The following CARS1 variants were observed in gnomAD, a reference collection of about 807,000 sequenced individuals.
The protein encoded by CARS1 is cysteinyl-tRNA synthetase 1.
Under a neutral mutation model 106.2 loss-of-function variants are expected in CARS1, and 48 were observed. That is an observed-to-expected ratio of 0.45 (90% CI 0.36 to 0.57). The LOEUF (loss-of-function observed/expected upper bound fraction) is 0.57, where lower values mean the gene tolerates loss of function less well. Ranked by LOEUF, CARS1 falls within the 20% of genes least tolerant of loss-of-function variation. The pLI is 0.00. For missense variants in CARS1, 968 were observed against 1,057.2 expected (o/e 0.92, Z 1.17); for synonymous variants, 409 against 403.4 (o/e 1.01, Z -0.17).
rs1010948908 is a variant in CARS1 at position 3,020,069 on chromosome 11, G to A, written c.1266+151C>T. On this transcript the variant is annotated intron_variant, in intron 11 of 22. Transcript: ENST00000380525. The surrounding 1 kb of genome is among the most constrained non-coding windows in gnomAD (Gnocchi z 4.6). ...GAGTCTCCATGATGTCCAGGTCCCC[G>A]GGGCCAGGCAGCCTGTGCTGCACCA... 30 of 628,866 alleles carry A rather than the reference G, an allele frequency of 4.8e-5. No homozygotes were observed. The highest frequency in any genetic ancestry group is 1.1e-4 in the Admixed American group (4 of 37,102). 39.0% of individuals were successfully genotyped at this position (628,866 alleles called of 1,614,324 possible). A position where few individuals can be genotyped will look rare whatever the true frequency, so the allele number is the denominator to read the frequency against.
rs1851556006 is a variant in CARS1, at chr11:3,021,359, G to A, written c.1154-1027C>T. Among the ~76,000 whole-genome samples the A allele has an allele frequency of 6.6e-6, 1 of 152,188 alleles. No homozygotes were observed. The highest frequency in any genetic ancestry group is 2.4e-5 in the African/African-American group (1 of 41,436). Reference sequence around the variant, plus strand: ...CTGCTGCAGCCTTTCCTGGTCCCTGGTCTAAGGGCTGCCTTAGGTGCTGTC... The same window carrying A: ...CTGCTGCAGCCTTTCCTGGTCCCTGATCTAAGGGCTGCCTTAGGTGCTGTC... On this transcript the variant is annotated intron_variant, in intron 10 of 22. Coordinates refer to ENST00000380525, the MANE Select transcript of CARS1 (RefSeq NM_001014437.3). The surrounding 1 kb of genome is among the most constrained non-coding windows in gnomAD (Gnocchi z 5.3).
Position 3,048,747 on chromosome 11 carries a change from C to G in CARS1, c.26-746G>C, listed in dbSNP as rs1206270901. Among the ~76,000 whole-genome samples the G allele has an allele frequency of 3.9e-5, 6 of 152,208 alleles. No homozygotes were observed. The highest frequency in any genetic ancestry group is 3.9e-4 in the Admixed American group (6 of 15,286). Reference sequence around the variant, plus strand: ...GGTCAAGGCCACAGCCTCAGGAGGACTGGGCCCCCTCAAAGGACCAGCCCA... The same window carrying G: ...GGTCAAGGCCACAGCCTCAGGAGGAGTGGGCCCCCTCAAAGGACCAGCCCA... On this transcript the variant is annotated intron_variant, in intron 1 of 22. Transcript: ENST00000380525. This position sits in a 1 kb window ranked among gnomAD's most constrained non-coding sequence, Gnocchi z 5.1.
rs150425752 is a variant in CARS1 at position 3,033,991 on chromosome 11, C to T, written c.801+4059G>A. 6.1e-3 allele frequency among the ~76,000 whole-genome samples: 929 copies of T among 152,104 alleles called. 6 individuals carry two copies. Among genetic ancestry groups the T allele is most frequent in the African/African-American group, 0.021 (884 of 41,464 alleles). On this transcript the variant is annotated intron_variant, in intron 7 of 22. Coordinates refer to ENST00000380525, the MANE Select transcript of CARS1 (RefSeq NM_001014437.3). ...GAGATAGAGTCTCACTATGTTGTCCCGGCTGATCTCAAACTCCTGGGCTCA... is the reference window on the plus strand; with the variant it reads ...GAGATAGAGTCTCACTATGTTGTCCTGGCTGATCTCAAACTCCTGGGCTCA...
At position 3,044,126 on chromosome 11, in the gene CARS1, A is replaced by G. The variant is rs964173265; in HGVS notation, c.275-1870T>C. Reference sequence around the variant, plus strand: ...TCACAAAGACCCTGGAGCTCCTTCAATAGGACACTGCTGCCATCTCAGACA... The same window carrying G: ...TCACAAAGACCCTGGAGCTCCTTCAGTAGGACACTGCTGCCATCTCAGACA... On this transcript the variant is annotated intron_variant, in intron 2 of 22. Coordinates refer to ENST00000380525, the MANE Select transcript of CARS1 (RefSeq NM_001014437.3). The surrounding 1 kb of genome is among the most constrained non-coding windows in gnomAD (Gnocchi z 4.4). Among the ~76,000 whole-genome samples the G allele has an allele frequency of 1.3e-5, 2 of 152,142 alleles. No individual in the cohort carries two copies. Among genetic ancestry groups the G allele is most frequent in the African/African-American group, 2.4e-5 (1 of 41,434 alleles).
intron 10 of CARS1, 44 bp downstream of exon 10, chr11:3,026,632 G>C (rs1456434059): frequency 3.1e-6 from 5 of 1,606,230 alleles, no homozygotes; most frequent in South Asian, 1.1e-5. Context: ...CCCAGGCTGG[G>C]CCAGGAGGGA....
chr11:3,018,318 G>C (rs1418266015), intron 14 of CARS1, 90 bp downstream of exon 14: 3 of 816,946 alleles, frequency 3.7e-6, no homozygotes. Flanking sequence ...GAGACATCGG[G>C]AGGCTGGTGC....
rs12796489 is a variant in CARS1, at chr11:3,038,130, C to A, written c.721G>T (p.Ala241Ser). The A allele has an allele frequency of 9.8e-3, 15,797 of 1,613,960 alleles. 145 individuals carry two copies. Among genetic ancestry groups the A allele is most frequent in the Middle Eastern group, 0.039 (239 of 6,060 alleles). ...KKQMLERIQH[A>S]VQLATEPLEK... Reference sequence around the variant, plus strand: ...AGTGGCTCTGTGGCAAGCTGCACTGCGTGCTGAATCCGTTCGAGCATCTGC... The same window carrying A: ...AGTGGCTCTGTGGCAAGCTGCACTGAGTGCTGAATCCGTTCGAGCATCTGC... The change falls in exon 7 of 23, where the codon GCA becomes TCA. Residue 241 changes from alanine to serine, a missense_variant. Coordinates refer to ENST00000380525, the MANE Select transcript of CARS1 (RefSeq NM_001014437.3). The surrounding 1 kb of genome is among the most constrained non-coding windows in gnomAD (Gnocchi z 4.0).
rs200170102 is a variant in CARS1 at position 3,012,271 on chromosome 11, C to T, written c.1992G>A (p.Glu664=). 2.5e-5 allele frequency: 41 copies of T among 1,614,074 alleles called. No individual in the cohort carries two copies. In the Admixed American group the frequency reaches 4.8e-4, roughly 19 times the overall value. Residue 664 remains glutamate, a synonymous_variant, in exon 18 of 23, where the codon GAG becomes GAA. Transcript: ENST00000380525. Reference sequence around the variant, plus strand: ...CCTGAAGGTAGGGCATGACTGTGGCCTCGAGCTGCGGAAAGAACAGTTTTG... The same window carrying T: ...CCTGAAGGTAGGGCATGACTGTGGCTTCGAGCTGCGGAAAGAACAGTTTTG... ...VGGPGTSLSL[E]ATVMPYLQVL...
Position 3,030,980 on chromosome 11 carries a change from T to C in CARS1, c.802-1537A>G, listed in dbSNP as rs571973809. 3 of 152,276 alleles carry C rather than the reference T, an allele frequency of 2.0e-5. No homozygotes were observed. The highest frequency in any genetic ancestry group is 2.9e-5 in the Non-Finnish European group (2 of 68,034). The allele number at this position is 152,276 out of a possible 1,614,324, so 9.4% of individuals were successfully genotyped here. ...AACAGAGACAAGAAGGAAAATTTTA[T>C]GAAAGACAGGTTAGGAGACACGGAG... On this transcript the variant is annotated intron_variant, in intron 7 of 22. Coordinates refer to ENST00000380525, the MANE Select transcript of CARS1 (RefSeq NM_001014437.3). This position sits in a 1 kb window ranked among gnomAD's most constrained non-coding sequence, Gnocchi z 5.7.
Position 3,045,302 on chromosome 11 carries a change from T to C in CARS1, c.274+2451A>G, listed in dbSNP as rs932268908. Among the ~76,000 whole-genome samples the C allele has an allele frequency of 6.6e-6, 1 of 152,066 alleles. No individual in the cohort carries two copies. Among genetic ancestry groups the C allele is most frequent in the African/African-American group, 2.4e-5 (1 of 41,400 alleles). ...CACCCCGAGACGGAGTCTCGCTCTGTCACCTAGGCTGGAGTACAGTGGCAC... is the reference window on the plus strand; with the variant it reads ...CACCCCGAGACGGAGTCTCGCTCTGCCACCTAGGCTGGAGTACAGTGGCAC... On this transcript the variant is annotated intron_variant, in intron 2 of 22. Coordinates refer to ENST00000380525, the MANE Select transcript of CARS1 (RefSeq NM_001014437.3). This position sits in a 1 kb window ranked among gnomAD's most constrained non-coding sequence, Gnocchi z 5.6.
In CARS1 at chr11:3,012,135, G is replaced by T. The variant is rs371599020; in HGVS notation, c.2068+60C>A. On this transcript the variant is annotated intron_variant, in intron 18 of 22. Transcript: ENST00000380525. ...CCATAGTGCCTCGGGGGAGACGCCC[G>T]GTCCGGGGAGCCCAGTGAGGGGAGT... 80 of 1,466,954 alleles carry T rather than the reference G, an allele frequency of 5.5e-5. No homozygotes were observed. The South Asian group carries it at 7.8e-4, about 14-fold the overall frequency. 90.9% of individuals were successfully genotyped at this position (1,466,954 alleles called of 1,614,324 possible). A position where few individuals can be genotyped will look rare whatever the true frequency, so the allele number is the denominator to read the frequency against.
rs938587406 is a variant in CARS1 at position 3,003,586 on chromosome 11, A to G, written c.2218-986T>C. ...CAGAGCTAGGGAAAAGAAACCAGGA[A>G]GGCACAAAGGTCTCAGAGACTCAGG... is the stretch of plus-strand genomic sequence containing the variant. On this transcript the variant is annotated intron_variant, in intron 20 of 22. Transcript: ENST00000380525. The surrounding 1 kb of genome is among the most constrained non-coding windows in gnomAD (Gnocchi z 4.8). Among the ~76,000 whole-genome samples, 4 of 152,080 alleles carry G rather than the reference A, an allele frequency of 2.6e-5. No individual in the cohort carries two copies. Among genetic ancestry groups the G allele is most frequent in the Non-Finnish European group, 4.4e-5 (3 of 68,008 alleles).
At chr11:3,055,219 G>A (rs1372851553) in intron 1 of CARS1, among the ~76,000 whole-genome samples, 3 of 152,010 alleles carry the variant, frequency 2.0e-5, no homozygotes, top group Non-Finnish European at 4.4e-5. Context: ...GGAGTGCAGT[G>A]GCGCAATCTC....
rs1855762030 is a variant in CARS1 at position 3,052,177 on chromosome 11, C to A, written c.26-4176G>T. Among the ~76,000 whole-genome samples the A allele has an allele frequency of 6.6e-6, 1 of 152,232 alleles. No homozygotes were observed. Among genetic ancestry groups the A allele is most frequent in the African/African-American group, 2.4e-5 (1 of 41,466 alleles). On this transcript the variant is annotated intron_variant, in intron 1 of 22. Coordinates refer to ENST00000380525, the MANE Select transcript of CARS1 (RefSeq NM_001014437.3). This position sits in a 1 kb window ranked among gnomAD's most constrained non-coding sequence, Gnocchi z 4.6. ...TGAGGAAGCAGTCTGGGAACTGAAG[C>A]CGCTGTGTATCCGCTCTCTGGAGAC...
At chr11:3,055,791 G>A (rs1856143621) in intron 1 of CARS1, among the ~76,000 whole-genome samples, 1 of 152,212 alleles carries the variant, frequency 6.6e-6, no homozygotes, top group African/African-American at 2.4e-5. Context: ...CTAACTTTCA[G>A]CACAGACACA....
At position 3,004,212 on chromosome 11, in the gene CARS1, C is replaced by A. The variant is rs114440376; in HGVS notation, c.2217+1154G>T. Among the ~76,000 whole-genome samples the A allele has an allele frequency of 2.5e-3, 381 of 152,312 alleles. 2 individuals are homozygous for A. Among genetic ancestry groups the A allele is most frequent in the African/African-American group, 8.9e-3 (369 of 41,564 alleles). On this transcript the variant is annotated intron_variant, in intron 20 of 22. Coordinates refer to ENST00000380525, the MANE Select transcript of CARS1 (RefSeq NM_001014437.3). The surrounding 1 kb of genome is among the most constrained non-coding windows in gnomAD (Gnocchi z 5.2). ...AGCCCAGCTCTTCCCAACCTGCCAACCAGGATGGACCTGCAGACCACTCAC... is the reference window on the plus strand; with the variant it reads ...AGCCCAGCTCTTCCCAACCTGCCAAACAGGATGGACCTGCAGACCACTCAC...
chr11:3,017,240 G>A lies in CARS1; in HGVS notation c.1783C>T (p.Arg595Cys), dbSNP rs566543333. 67 of 1,614,130 alleles carry A rather than the reference G, an allele frequency of 4.2e-5. No homozygotes were observed. The highest frequency in any genetic ancestry group is 9.3e-5 in the African/African-American group (7 of 75,046). ...HKALCDNVDT[R>C]TVMEEMRALV... ...GCCCGCATCTCTTCCATGACGGTGC[G>A]GGTGTCAACATTGTCACAGAGGGCT... Residue 595 changes from arginine (R) to cysteine (C), a missense_variant, in exon 16 of 23, where the codon CGC (arginine) becomes TGC (cysteine). By Grantham distance (180) the Arg-to-Cys change is radical. Transcript: ENST00000380525. This position sits in a 1 kb window ranked among gnomAD's most constrained non-coding sequence, Gnocchi z 4.9.
In CARS1 at chr11:3,045,619, T is replaced by G. The variant is rs1010326978; in HGVS notation, c.274+2134A>C. On this transcript the variant is annotated intron_variant, in intron 2 of 22. Coordinates refer to ENST00000380525, the MANE Select transcript of CARS1 (RefSeq NM_001014437.3). The surrounding 1 kb of genome is among the most constrained non-coding windows in gnomAD (Gnocchi z 5.6). ...TTGGAGACAGGACACAGAAGGCACA[T>G]GGGAGGAGCTGGTAACAGGCGGGCA... is the stretch of plus-strand genomic sequence containing the variant. Among the ~76,000 whole-genome samples, 1 of 151,906 alleles carries G rather than the reference T, an allele frequency of 6.6e-6. No individual in the cohort carries two copies. Among genetic ancestry groups the G allele is most frequent in the South Asian group, 2.1e-4 (1 of 4,818 alleles).
intron 17 of CARS1, among the ~76,000 whole-genome samples, 154 bp downstream of exon 17, chr11:3,015,627 C>T (rs992668797): frequency 6.6e-6 from 1 of 152,178 alleles, no homozygotes; most frequent in Non-Finnish European, 1.5e-5. Flanking sequence ...ACACTTAGCA[C>T]TCTCAGAGCC....
Sources: allele counts gnomAD v4.1 joint callset (sites outside exome capture counted in the v4.1 genomes callset), GRCh38; gene constraint gnomAD v4.1.1; non-coding constraint Gnocchi (gnomAD v3.1); transcripts MANE v1.5; gene names NCBI Gene and HGNC (gene_info 2026-07-23, HGNC 2026-07-21).